ELOVL7: variants seen among roughly 807,000 people sequenced by gnomAD.
ELOVL7 encodes very long chain fatty acid elongase 7.
In ELOVL7, 27 loss-of-function variants were observed where a neutral mutation model predicts 35.7. The ratio of observed to expected loss-of-function variants is 0.76; its 90% CI spans 0.56 to 1.04. ELOVL7 has a LOEUF of 1.04. ELOVL7 is among the 50% of genes least tolerant of loss of function. ELOVL7 has a pLI of 0.00. For missense variants in ELOVL7, 327 were observed against 340.8 expected (o/e 0.96, Z 0.32); for synonymous variants, 113 against 114.6 (o/e 0.99, Z 0.09).
intron 3 of ELOVL7, among the ~76,000 whole-genome samples, chr5:60,785,621 AG>A (rs1400430202): frequency 1.3e-5 from 2 of 152,228 alleles, no homozygotes; most frequent in African/African-American, 4.8e-5. Context: ...CTCCTTGAAA[AG>A]CAATGAAAAT....
intron 1 of ELOVL7, among the ~76,000 whole-genome samples, chr5:60,842,137 T>C (rs746591625): frequency 1.3e-5 from 2 of 152,126 alleles, no homozygotes; most frequent in Non-Finnish European, 2.9e-5. Flanking sequence ...TGATAACAAA[T>C]AGCAGAGAAG....
At chr5:60,771,111 C>T (rs1009775138) in intron 4 of ELOVL7, among the ~76,000 whole-genome samples, 2 of 152,096 alleles carry the variant, frequency 1.3e-5, no homozygotes, top group African/African-American at 2.4e-5. Context: ...CATATTGGGC[C>T]CTCGTGAGCC....
chr5:60,839,076 G>A (rs993107958), intron 1 of ELOVL7, among the ~76,000 whole-genome samples: 4 of 151,632 alleles, frequency 2.6e-5, no homozygotes, highest in South Asian at 2.1e-4. Flanking sequence ...GATGGCTCAC[G>A]CCTGTAAGCC....
rs1741378050 is a variant in ELOVL7, at chr5:60,753,747, TAAGA to T, written c.*873_*876del. 6.6e-6 allele frequency: 1 copy of T among 152,182 alleles called. No individual in the cohort carries two copies. Among genetic ancestry groups the T allele is most frequent in the Non-Finnish European group, 1.5e-5 (1 of 68,018 alleles). 9.4% of individuals were successfully genotyped at this position (152,182 alleles called of 1,614,324 possible). ...GATAATAATTTAAACCATGACAATG[TAAGA>T]AAGTGATGTGATACTATAACAGACA... On this transcript the variant is annotated 3_prime_UTR_variant, in exon 9 of 9. Coordinates refer to ENST00000508821, the MANE Select transcript of ELOVL7 (RefSeq NM_024930.3).
chr5:60,754,541 AC>A lies in ELOVL7; in HGVS notation c.*82del. The A allele has an allele frequency of 8.0e-7, 1 of 1,251,242 alleles. No individual in the cohort carries two copies. The highest frequency in any genetic ancestry group is 1.1e-6 in the Non-Finnish European group (1 of 884,754). The allele number at this position is 1,251,242 out of a possible 1,614,324, so 77.5% of individuals were successfully genotyped here. On this transcript the variant is annotated 3_prime_UTR_variant, in exon 9 of 9. Transcript: ENST00000508821. The stretch of plus-strand genomic sequence containing the variant: ...ACAAGCTCTTAGTTTTGAAAAATAT[AC>A]AAAATGCACTGCATAGGTAAATATC...
At chr5:60,810,177 T>C (rs1478203464) in intron 1 of ELOVL7, among the ~76,000 whole-genome samples, 1 of 152,168 alleles carries the variant, frequency 6.6e-6, no homozygotes, top group African/African-American at 2.4e-5. Flanking sequence ...CTTAAGAAAA[T>C]GGAGCATTTC....
At position 60,758,040 on chromosome 5, in the gene ELOVL7, A is replaced by C. The variant is rs373292970; in HGVS notation, c.500-395T>G. Among the ~76,000 whole-genome samples, 10 of 152,284 alleles carry C rather than the reference A, an allele frequency of 6.6e-5. No homozygotes were observed. The East Asian group carries it at 1.9e-3, about 29-fold the overall frequency. On this transcript the variant is annotated intron_variant, in intron 7 of 8. Transcript: ENST00000508821. Reference sequence around the variant, plus strand: ...ATCTTAACTTGATGATTTTTCATGTATGTATACACCCATGTCACTACCAAG... The same window carrying C: ...ATCTTAACTTGATGATTTTTCATGTCTGTATACACCCATGTCACTACCAAG...
chr5:60,822,059 G>A (rs1321430188), intron 1 of ELOVL7, among the ~76,000 whole-genome samples: 1 of 152,146 alleles, frequency 6.6e-6, no homozygotes, highest in Non-Finnish European at 1.5e-5. Flanking sequence ...TTGCTGCCTG[G>A]GACAATGCAA....
chr5:60,781,538 G>A (rs914372771), intron 3 of ELOVL7, among the ~76,000 whole-genome samples: 1 of 152,088 alleles, frequency 6.6e-6, no homozygotes, highest in Admixed American at 6.5e-5. Flanking sequence ...AGCATGCTGG[G>A]CTGGCTCAGG....
chr5:60,792,314 G>C (rs973704971), intron 2 of ELOVL7, among the ~76,000 whole-genome samples: 1 of 152,024 alleles, frequency 6.6e-6, no homozygotes, highest in Non-Finnish European at 1.5e-5. Context: ...AATTGCACAG[G>C]GATGGGACAC....
rs145564338 is a variant in ELOVL7, at chr5:60,796,226, C to T, written c.-35+2954G>A. ...CTCACTGGAACTGGTTCCCCACTCT[C>T]GTCCCCATCCTTTATACTTTAGCAG... On this transcript the variant is annotated intron_variant, in intron 2 of 8. Coordinates refer to ENST00000508821, the MANE Select transcript of ELOVL7 (RefSeq NM_024930.3). Among the ~76,000 whole-genome samples, 39 of 152,334 alleles carry T rather than the reference C, an allele frequency of 2.6e-4. 1 individual carries two copies. The East Asian group carries it at 5.2e-3, about 20-fold the overall frequency.
At chr5:60,821,754 T>C (rs1006203218) in intron 1 of ELOVL7, among the ~76,000 whole-genome samples, 2 of 152,238 alleles carry the variant, frequency 1.3e-5, no homozygotes, top group African/African-American at 2.4e-5. Context: ...AGAAATCAAG[T>C]GTAAGCATTT....
chr5:60,759,412 T>C (rs1741744183), intron 7 of ELOVL7, among the ~76,000 whole-genome samples: 1 of 149,474 alleles, frequency 6.7e-6, no homozygotes, highest in South Asian at 2.4e-4. Flanking sequence ...AATTTAAAAA[T>C]AGAATAGTTG....
intron 5 of ELOVL7, 150 bp from the exon 6 acceptor site, chr5:60,766,780 T>C (rs1287878890): frequency 2.8e-5 from 17 of 617,586 alleles, no homozygotes; most frequent in Non-Finnish European, 4.7e-5. Context: ...CTTCACACTG[T>C]TGTTCAACCA....
At chr5:60,810,493 G>A (rs2112317504) in intron 1 of ELOVL7, among the ~76,000 whole-genome samples, 1 of 152,296 alleles carries the variant, frequency 6.6e-6, no homozygotes, top group Non-Finnish European at 1.5e-5. Flanking sequence ...ATTCAAAACT[G>A]ATGATAGATT....
chr5:60,758,382 T>C (rs909482797), intron 7 of ELOVL7, among the ~76,000 whole-genome samples: 1 of 152,208 alleles, frequency 6.6e-6, no homozygotes, highest in Non-Finnish European at 1.5e-5. Context: ...TTTTTTTATA[T>C]GTCATTGTGT....
intron 1 of ELOVL7, among the ~76,000 whole-genome samples, chr5:60,840,243 G>A (rs1257420369): frequency 6.6e-6 from 1 of 152,110 alleles, no homozygotes; most frequent in Non-Finnish European, 1.5e-5. Context: ...CTATTATTTG[G>A]ACATTGAATT....
At chr5:60,829,421 A>T (rs1746355877) in intron 1 of ELOVL7, among the ~76,000 whole-genome samples, 1 of 152,196 alleles carries the variant, frequency 6.6e-6, no homozygotes, top group Non-Finnish European at 1.5e-5. Context: ...AGCATATATT[A>T]TTAATATAGT....
intron 1 of ELOVL7, among the ~76,000 whole-genome samples, chr5:60,809,003 G>A (rs1294641444): frequency 1.3e-5 from 2 of 152,216 alleles, no homozygotes; most frequent in African/African-American, 4.8e-5. Context: ...GACAATTCTG[G>A]AGGGTGATGG....
Sources: gnomAD v4.1 joint callset for allele counts (sites outside exome capture counted in the v4.1 genomes callset) on GRCh38, gnomAD v4.1.1 for gene constraint, MANE v1.5 for transcripts, NCBI Gene and HGNC (gene_info 2026-07-23, HGNC 2026-07-21) for gene names.